Variants in ZNF300 observed in about 807,000 individuals in gnomAD.
ZNF300 encodes zinc finger protein 300.
Under a neutral mutation model 13.9 loss-of-function variants are expected in ZNF300, and 6 were observed. The observed-to-expected ratio is 0.43, with a 90% CI of 0.24 to 0.85. ZNF300 has a LOEUF of 0.85. ZNF300 is among the 40% of genes least tolerant of loss of function. The probability of loss-of-function intolerance (pLI) is 0.25; values close to 1 mark genes in which losing one functional copy is unlikely to be tolerated. For missense variants in ZNF300, 662 were observed against 714.2 expected (o/e 0.93, Z 0.83); for synonymous variants, 237 against 242.2 (o/e 0.98, Z 0.20).
chr5:150,903,030 T>G, intron 3 of ZNF300, 111 bp downstream of exon 3: 1 of 1,143,728 alleles, frequency 8.7e-7, no homozygotes, highest in Non-Finnish European at 1.3e-6. Flanking sequence ...GAGGTCTTGA[T>G]CTTTGTTGTT....
intron 3 of ZNF300, among the ~76,000 whole-genome samples, chr5:150,899,544 A>T: frequency 6.6e-6 from 1 of 152,236 alleles, no homozygotes; most frequent in East Asian, 1.9e-4. Flanking sequence ...GCTTTCTTAT[A>T]TACATACAAT....
Position 150,895,330 on chromosome 5 carries a change from A to C in ZNF300, c.*94T>G. The C allele has an allele frequency of 1.0e-6, 1 of 978,582 alleles. No homozygotes were observed. Among genetic ancestry groups the C allele is most frequent in the Non-Finnish European group, 1.4e-6 (1 of 692,402 alleles). 60.6% of individuals were successfully genotyped at this position (978,582 alleles called of 1,614,324 possible). ...CAAATTCCCTTAAAAATTTTTATCT[A>C]TTGGGATGTTGTCCCCAAGCTTATC... On this transcript the variant is annotated 3_prime_UTR_variant, in exon 6 of 6. Transcript: ENST00000274599.
chr5:150,903,338 A>T, intron 2 of ZNF300, 156 bp from the exon 3 acceptor site: 1 of 1,556,850 alleles, frequency 6.4e-7, no homozygotes. Context: ...CAGAAGTCTC[A>T]GCAGGCACCA....
At chr5:150,902,649 C>T (rs1314728383) in intron 3 of ZNF300, among the ~76,000 whole-genome samples, 1 of 152,096 alleles carries the variant, frequency 6.6e-6, no homozygotes, top group Non-Finnish European at 1.5e-5. Context: ...GGGATTTGGC[C>T]CATGGCAATA....
chr5:150,894,687 A>G lies in ZNF300; in HGVS notation c.*737T>C, dbSNP rs1754690338. 6.9e-6 allele frequency: 1 copy of G among 145,960 alleles called. No individual in the cohort carries two copies. The highest frequency in any genetic ancestry group is 2.1e-4 in the South Asian group (1 of 4,824). The allele number at this position is 145,960 out of a possible 1,614,324, so 9.0% of individuals were successfully genotyped here. On this transcript the variant is annotated 3_prime_UTR_variant, in exon 6 of 6. Coordinates refer to ENST00000274599, the MANE Select transcript of ZNF300 (RefSeq NM_052860.4). ...CTGCATTGTATTTGTACTTACTGAT[A>G]AAAAATACTCAGCTAGGAGAAGTAT...
rs533898079 is a variant in ZNF300 at position 150,896,201 on chromosome 5, A to G, written c.1038T>C (p.Val346=). ...ATTCATAGGGTTTTTCCCCAGTGTGAACTCTCTGATGTATAATAAGGGACG... is the reference window on the plus strand; with the variant it reads ...ATTCATAGGGTTTTTCCCCAGTGTGGACTCTCTGATGTATAATAAGGGACG... ...QKSSLIIHQR[V]HTGEKPYECS... The change falls in exon 6 of 6, where the codon GTT becomes GTC. Residue 346 remains valine, a synonymous_variant. Transcript: ENST00000274599. 40 of 1,613,396 alleles carry G rather than the reference A, an allele frequency of 2.5e-5. No homozygotes were observed. Among genetic ancestry groups the G allele is most frequent in the Admixed American group, 8.4e-5 (5 of 59,856 alleles).
intron 3 of ZNF300, among the ~76,000 whole-genome samples, chr5:150,899,135 C>G (rs1379125358): frequency 6.6e-6 from 1 of 152,154 alleles, no homozygotes; most frequent in South Asian, 2.1e-4. Flanking sequence ...GAAACAAATA[C>G]ATCCCTCACA....
Position 150,895,685 on chromosome 5 carries a change from T to C in ZNF300, c.1554A>G (p.Glu518=). 1.2e-6 allele frequency: 2 copies of C among 1,613,232 alleles called. No individual in the cohort carries two copies. Among genetic ancestry groups the C allele is most frequent in the African/African-American group, 1.3e-5 (1 of 74,910 alleles). Residue 518 remains glutamate, a synonymous_variant, in exon 6 of 6, where the codon GAA becomes GAG. Coordinates refer to ENST00000274599, the MANE Select transcript of ZNF300 (RefSeq NM_052860.4). ...LIGHQRIHTG[E]KPYICTECGK... is the part of the protein sequence containing the mutation. ...CACATTCAGTACATATATAAGGTTT[T>C]TCTCCTGTGTGAATTCTCTGATGTC...
intron 3 of ZNF300, among the ~76,000 whole-genome samples, chr5:150,899,375 T>C (rs1754913800): frequency 6.6e-6 from 1 of 152,036 alleles, no homozygotes; most frequent in Non-Finnish European, 1.5e-5. Context: ...GAATTTTAAT[T>C]AATGATTATA....
chr5:150,901,884 C>A (rs1006893694), intron 3 of ZNF300, among the ~76,000 whole-genome samples: 1 of 152,056 alleles, frequency 6.6e-6, no homozygotes, highest in African/African-American at 2.4e-5. Flanking sequence ...ATACAAAAGA[C>A]CTTTATATTG....
Position 150,895,766 on chromosome 5 carries a change from T to G in ZNF300, c.1473A>C (p.Lys491Asn). The G allele has an allele frequency of 1.2e-6, 2 of 1,613,414 alleles. No individual in the cohort carries two copies. The highest frequency in any genetic ancestry group is 1.7e-6 in the Non-Finnish European group (2 of 1,179,764). Residue 491 changes from lysine to asparagine, a missense_variant, in exon 6 of 6, where the codon AAA becomes AAC. Transcript: ENST00000274599. The part of the protein sequence containing the change: ...IIHQRTHTGE[K>N]PYKCSECGKA... ...TGCCACATTCACTACATTTATAGGG[T>G]TTTTCTCCAGTATGTGTTCTCTGAT...
Position 150,895,389 on chromosome 5 carries a change from T to G in ZNF300, c.*35A>C. On this transcript the variant is annotated 3_prime_UTR_variant, in exon 6 of 6. Transcript: ENST00000274599. ...TGGGTTTCTAGTAATTATTAAGGCTTGAGCTAATACTAAGGCTTTTCTGTG... is the reference window on the plus strand; with the variant it reads ...TGGGTTTCTAGTAATTATTAAGGCTGGAGCTAATACTAAGGCTTTTCTGTG... 11 of 1,463,826 alleles carry G rather than the reference T, an allele frequency of 7.5e-6. No homozygotes were observed. The highest frequency in any genetic ancestry group is 2.0e-4 in the Middle Eastern group (1 of 5,086). The allele number at this position is 1,463,826 out of a possible 1,614,324, so 90.7% of individuals were successfully genotyped here.
At chr5:150,901,071 A>C (rs1754980049) in intron 3 of ZNF300, among the ~76,000 whole-genome samples, 1 of 152,044 alleles carries the variant, frequency 6.6e-6, no homozygotes, top group South Asian at 2.1e-4. Context: ...TAAAGGCTGA[A>C]AAGGAGGATA....
At chr5:150,897,983 T>G in intron 5 of ZNF300, 79 bp downstream of exon 5, 1 of 1,515,324 alleles carries the variant, frequency 6.6e-7, no homozygotes, top group Non-Finnish European at 8.8e-7. Flanking sequence ...AAGCAAAGAA[T>G]AGGAGATTTT....
rs1755063386 is a variant in ZNF300, at chr5:150,903,844, C to T, written c.-28+20G>A. On this transcript the variant is annotated intron_variant, in intron 2 of 5. Coordinates refer to ENST00000274599, the MANE Select transcript of ZNF300 (RefSeq NM_052860.4). ...CACTGGAAAAAAAAAGAGTATACCA[C>T]AATGCAGGAAGGTAAATACCTGGTA... is the stretch of plus-strand genomic sequence containing the variant. The T allele has an allele frequency of 6.2e-6, 1 of 161,898 alleles. No individual in the cohort carries two copies. The highest frequency in any genetic ancestry group is 1.4e-5 in the Non-Finnish European group (1 of 73,564). The allele number at this position is 161,898 out of a possible 1,614,324, so 10.0% of individuals were successfully genotyped here.
In ZNF300 at chr5:150,895,045, T is replaced by C. The variant is rs1222359099; in HGVS notation, c.*379A>G. ...TTTTATTTTATTGTTTACTTAAGCT[T>C]TCTTCCACGTCTTTTATAGAAAAAT... On this transcript the variant is annotated 3_prime_UTR_variant, in exon 6 of 6. Transcript: ENST00000274599. The C allele has an allele frequency of 6.1e-6, 1 of 165,176 alleles. No homozygotes were observed. Among genetic ancestry groups the C allele is most frequent in the Non-Finnish European group, 1.3e-5 (1 of 76,844 alleles). The allele number at this position is 165,176 out of a possible 1,614,324, so 10.2% of individuals were successfully genotyped here.
At chr5:150,898,673 A>C in intron 3 of ZNF300, 119 bp from the exon 4 acceptor site, 2 of 1,245,742 alleles carry the variant, frequency 1.6e-6, no homozygotes, top group Admixed American at 2.5e-5. Context: ...ACAAAATAAA[A>C]TCCTGTTTTT....
chr5:150,895,257 AT>A lies in ZNF300; in HGVS notation c.*166del. On this transcript the variant is annotated 3_prime_UTR_variant, in exon 6 of 6. Transcript: ENST00000274599. ...AAAAATGTTCTTCATTTATATAACTATTTTCCATCATCTTTGCTGGAAAAGT... is the reference window on the plus strand; with the variant it reads ...AAAAATGTTCTTCATTTATATAACTATTTCCATCATCTTTGCTGGAAAAGT... The A allele has an allele frequency of 1.9e-6, 1 of 524,432 alleles. No homozygotes were observed. Among genetic ancestry groups the A allele is most frequent in the Non-Finnish European group, 3.3e-6 (1 of 300,978 alleles). 32.5% of individuals were successfully genotyped at this position (524,432 alleles called of 1,614,324 possible).
In ZNF300 at chr5:150,896,350, A is replaced by C; in HGVS notation, c.889T>G (p.Tyr297Asp). The change falls in exon 6 of 6, where the codon TAT (tyrosine) becomes GAT (aspartate). Residue 297 changes from tyrosine (Y) to aspartate (D), a missense_variant. Coordinates refer to ENST00000274599, the MANE Select transcript of ZNF300 (RefSeq NM_052860.4). The part of the protein sequence containing the change: ...HQRIHTGKKP[Y>D]DCGACGKAFS... ...GCTTTTCCGCATGCACCACAATCAT[A>C]TGGTTTCTTTCCAGTATGAATTCTT... 6.2e-7 allele frequency: 1 copy of C among 1,613,634 alleles called. No individual in the cohort carries two copies. The highest frequency in any genetic ancestry group is 8.5e-7 in the Non-Finnish European group (1 of 1,179,818).
Sources: gnomAD v4.1 joint callset for allele counts (sites outside exome capture counted in the v4.1 genomes callset) on GRCh38, gnomAD v4.1.1 for gene constraint, MANE v1.5 for transcripts, NCBI Gene and HGNC (gene_info 2026-07-23, HGNC 2026-07-21) for gene names.